PLEKHM1: variants seen among roughly 807,000 people sequenced by gnomAD.
The protein encoded by PLEKHM1 is pleckstrin homology domain-containing family M member 1.
Under a neutral mutation model 94.3 loss-of-function variants are expected in PLEKHM1, and 28 were observed. That is an observed-to-expected ratio of 0.30 (90% CI 0.22 to 0.41). PLEKHM1 has a LOEUF of 0.41. Ranked by LOEUF, PLEKHM1 falls within the 10% of genes least tolerant of loss-of-function variation. The pLI is 1.00. For missense variants in PLEKHM1, 907 were observed against 1,358.6 expected, an observed-to-expected ratio of 0.67 and a Z score of 5.22; for synonymous variants, 424 against 581.2, an observed-to-expected ratio of 0.73 and a Z score of 3.89.
chr17:45,487,622 C>T (rs1230104260), intron 1 of PLEKHM1: 9 of 440,800 alleles, frequency 2.0e-5, no homozygotes, highest in Middle Eastern at 3.3e-4. Flanking sequence ...GGAACAGTTC[C>T]GGTTGGTTTC....
At chr17:45,466,522 T>C (rs775548862) in intron 5 of PLEKHM1, among the ~76,000 whole-genome samples, 28 of 152,244 alleles carry the variant, frequency 1.8e-4, no homozygotes, top group Non-Finnish European at 3.8e-4. Flanking sequence ...AAAAGACTTA[T>C]ATCTGTAATA....
At chr17:45,466,583 C>T (rs1326340785) in intron 5 of PLEKHM1, among the ~76,000 whole-genome samples, 1 of 152,084 alleles carries the variant, frequency 6.6e-6, no homozygotes, top group African/African-American at 2.4e-5. Flanking sequence ...CAATTTAAGA[C>T]CGGAATGACA....
chr17:45,458,375 C>A lies in PLEKHM1; in HGVS notation c.1373G>T (p.Ser458Ile). 1 of 1,613,994 alleles carries A rather than the reference C, an allele frequency of 6.2e-7. No individual in the cohort carries two copies. The stretch of plus-strand genomic sequence containing the variant: ...AGAAGCTATTGGGTGGTCTGAAGCA[C>A]TCTCCAGGGGTTGCTCCCGGGAAGG... Reference protein sequence around the residue: ...YRPSREQPLESASDHPIASYR... With the variant: ...YRPSREQPLEIASDHPIASYR... The change falls in exon 6 of 12, where the codon AGT (serine) becomes ATT (isoleucine). Residue 458 changes from serine to isoleucine, a missense_variant. Ser to Ile is a moderately radical substitution (Grantham distance 142, BLOSUM62 -2). This residue lies in a region of PLEKHM1 where 477 missense variants were observed against 601.5 expected (regional missense o/e 0.79). Coordinates refer to ENST00000430334, the MANE Select transcript of PLEKHM1 (RefSeq NM_014798.3).
intron 5 of PLEKHM1, chr17:45,459,527 C>A (rs2051087731): frequency 6.6e-6 from 1 of 150,770 alleles, no homozygotes. Flanking sequence ...CACTCCTCGG[C>A]TGATGGACAT....
chr17:45,458,882 C>A (rs1189307445), intron 5 of PLEKHM1, among the ~76,000 whole-genome samples: 1 of 151,298 alleles, frequency 6.6e-6, no homozygotes, highest in Admixed American at 6.6e-5. Context: ...CCTGTAATCC[C>A]AGCACTTTGG....
chr17:45,478,266 G>C, intron 2 of PLEKHM1, 119 bp from the exon 3 acceptor site: 1 of 1,167,800 alleles, frequency 8.6e-7, no homozygotes, highest in Non-Finnish European at 1.3e-6. Context: ...ACATCTATGT[G>C]TGTGTCTGTA....
chr17:45,434,634 G>A (rs1382099441), downstream of PLEKHM1, among the ~76,000 whole-genome samples: 2 of 151,948 alleles, frequency 1.3e-5, no homozygotes, highest in East Asian at 1.9e-4. Flanking sequence ...TTGTAGAGAC[G>A]GGGTTTCACC....
In PLEKHM1 at chr17:45,458,067, C is replaced by T. The variant is rs560378138; in HGVS notation, c.1579+102G>A. On this transcript the variant is annotated intron_variant, in intron 6 of 11. Transcript: ENST00000430334. ...TGAGGTTTTATAACACTTGTGGGAACACACTACCCCTTTAGCAATGGAAAA... is the reference window on the plus strand; with the variant it reads ...TGAGGTTTTATAACACTTGTGGGAATACACTACCCCTTTAGCAATGGAAAA... The T allele has an allele frequency of 3.5e-6, 3 of 845,080 alleles. No individual in the cohort carries two copies. The African/African-American group carries it at 5.1e-5, about 14-fold the overall frequency. The allele number at this position is 845,080 out of a possible 1,614,324, so 52.3% of individuals were successfully genotyped here. A position where few individuals can be genotyped will look rare whatever the true frequency, so the allele number is the denominator to read the frequency against.
At chr17:45,486,198 C>CA (rs2052113122) in intron 1 of PLEKHM1, among the ~76,000 whole-genome samples, 1 of 134,614 alleles carries the variant, frequency 7.4e-6, no homozygotes, top group African/African-American at 2.8e-5. Context: ...GCCTAGGCGA[C>CA]AGAGAGAGAC....
intron 4 of PLEKHM1, among the ~76,000 whole-genome samples, chr17:45,469,243 C>T (rs535544934): frequency 9.9e-5 from 15 of 152,256 alleles, no homozygotes; most frequent in Non-Finnish European, 1.9e-4. Context: ...TGAGTACACA[C>T]GAGATGTGCC....
rs556422935 is a variant in PLEKHM1, at chr17:45,436,347, C to G, written c.*1511G>C. ...TCTGGGCACAGGTGTGTGCCATGAC[C>G]GGGAGAAGCTGTGCGCAGCCTCCAC... On this transcript the variant is annotated 3_prime_UTR_variant, in exon 12 of 12. Transcript: ENST00000430334. 4.4e-5 allele frequency: 20 copies of G among 454,172 alleles called. No homozygotes were observed. Among genetic ancestry groups the G allele is most frequent in the South Asian group, 3.1e-4 (20 of 64,480 alleles). 28.1% of individuals were successfully genotyped at this position (454,172 alleles called of 1,614,324 possible). A position where few individuals can be genotyped will look rare whatever the true frequency, so the allele number is the denominator to read the frequency against.
Position 45,454,886 on chromosome 17 carries a change from C to T in PLEKHM1, c.1580-614G>A, listed in dbSNP as rs188893640. The stretch of plus-strand genomic sequence containing the variant: ...GCTCATGCCTGTAATCCCAGCACTT[C>T]GGGAGGCTGAGGTGGGTGGATCACT... On this transcript the variant is annotated intron_variant, in intron 6 of 11. Coordinates refer to ENST00000430334, the MANE Select transcript of PLEKHM1 (RefSeq NM_014798.3). The T allele has an allele frequency of 8.6e-4, 148 of 171,910 alleles. 2 individuals are homozygous for T. In the East Asian group the frequency reaches 0.019, roughly 22 times the overall value. 10.6% of individuals were successfully genotyped at this position (171,910 alleles called of 1,614,324 possible).
rs755920336 is a variant in PLEKHM1, at chr17:45,454,133, ACAG to A, written c.1716_1718del (p.Cys573del). On this transcript the variant is annotated inframe_deletion, in exon 7 of 12. Transcript: ENST00000430334. Reference sequence around the variant, plus strand: ...AGCGAAGCAGCGAGCAGTTCTCCACACAGGTGTGCTCCTCGTTGCTCAGGTAGA... The same window carrying A: ...AGCGAAGCAGCGAGCAGTTCTCCACAGTGTGCTCCTCGTTGCTCAGGTAGA... The A allele has an allele frequency of 2.5e-6, 4 of 1,614,118 alleles. No homozygotes were observed. The Admixed American group carries it at 6.7e-5, about 27-fold the overall frequency.
At chr17:45,482,806 A>G (rs1468767539) in intron 1 of PLEKHM1, among the ~76,000 whole-genome samples, 1 of 152,154 alleles carries the variant, frequency 6.6e-6, no homozygotes, top group Admixed American at 6.5e-5. Context: ...AATGCTGCCC[A>G]GAAAGCCAAG....
chr17:45,470,752 G>A (rs1490387812), intron 4 of PLEKHM1, among the ~76,000 whole-genome samples: 1 of 150,778 alleles, frequency 6.6e-6, no homozygotes, highest in Non-Finnish European at 1.5e-5. Flanking sequence ...TCCGCCTCCC[G>A]GGTTCATGCC....
intron 6 of PLEKHM1, among the ~76,000 whole-genome samples, chr17:45,457,334 G>A (rs1237619332): frequency 1.3e-5 from 2 of 151,756 alleles, no homozygotes; most frequent in African/African-American, 4.8e-5. Context: ...AGGCCGAGGC[G>A]GGGTGGATCA....
chr17:45,481,408 T>C (rs557706584), intron 2 of PLEKHM1, among the ~76,000 whole-genome samples: 2 of 151,338 alleles, frequency 1.3e-5, no homozygotes, highest in Non-Finnish European at 2.9e-5. Flanking sequence ...AATCTTGAAA[T>C]AGTCTAATTT....
At chr17:45,470,612 A>G (rs1242777535) in intron 4 of PLEKHM1, among the ~76,000 whole-genome samples, 12 of 152,192 alleles carry the variant, frequency 7.9e-5, no homozygotes, top group East Asian at 1.9e-4. Flanking sequence ...CTGGGCAACA[A>G]AGTGAAACTC....
At chr17:45,471,854 T>G (rs2051524729) in intron 4 of PLEKHM1, among the ~76,000 whole-genome samples, 1 of 152,162 alleles carries the variant, frequency 6.6e-6, no homozygotes, top group Admixed American at 6.5e-5. Context: ...AGTACTTAAA[T>G]CTAAGTACTT....
Sources: gnomAD v4.1 joint callset for allele counts (sites outside exome capture counted in the v4.1 genomes callset) on GRCh38, gnomAD v4.1.1 for gene constraint, gnomAD v4.1.1 regional missense constraint, MANE v1.5 for transcripts, NCBI Gene and HGNC (gene_info 2026-07-23, HGNC 2026-07-21) for gene names.